The following CAMK2B variants were observed in gnomAD, a reference collection of about 807,000 sequenced individuals.
CAMK2B encodes calcium/calmodulin dependent protein kinase II beta.
In CAMK2B, 27 loss-of-function variants were observed where a neutral mutation model predicts 93.7. That is an observed-to-expected ratio of 0.29 (90% CI 0.21 to 0.40). CAMK2B has a LOEUF of 0.40. Among genes scored for constraint, CAMK2B ranks in the 10% least tolerant of loss-of-function variants. The pLI, the probability that CAMK2B is intolerant of heterozygous loss-of-function variation, is 1.00. For synonymous variants in CAMK2B, 374 were observed against 358.8 expected (o/e 1.04, Z -0.48); for missense variants, 568 against 895.8 (o/e 0.63, Z 4.67).
chr7:44,264,209 G>A (rs2096904261), intron 2 of CAMK2B, among the ~76,000 whole-genome samples: 1 of 152,174 alleles, frequency 6.6e-6, no homozygotes, highest in African/African-American at 2.4e-5. Context: ...CAGGAGCAGG[G>A]AAAGAATGAG....
intron 15 of CAMK2B, among the ~76,000 whole-genome samples, chr7:44,233,138 G>A (rs1763013095): frequency 6.6e-6 from 1 of 152,102 alleles, no homozygotes; most frequent in Admixed American, 6.5e-5. Flanking sequence ...TGGACCGTGT[G>A]GGGCCCCGAC....
At chr7:44,229,674 C>A (rs1200133710) in intron 17 of CAMK2B, 173 bp from the exon 18 acceptor site, 10 of 493,270 alleles carry the variant, frequency 2.0e-5, no homozygotes, top group Admixed American at 3.7e-5. Flanking sequence ...CCTGTGGTGG[C>A]CGCAGCAGGT....
At chr7:44,294,805 C>T (rs1787851172) in intron 1 of CAMK2B, among the ~76,000 whole-genome samples, 1 of 152,198 alleles carries the variant, frequency 6.6e-6, no homozygotes. Flanking sequence ...ACAGAACCCT[C>T]CCAGGACACT....
chr7:44,226,585 C>A lies in CAMK2B; in HGVS notation c.1528G>T (p.Glu510Ter), dbSNP rs35452727. Residue 510 changes from glutamate (E) to a stop codon, truncating the protein, a stop_gained, in exon 20 of 24, where the codon GAG becomes TAG. Coordinates refer to ENST00000395749, the MANE Select transcript of CAMK2B (RefSeq NM_001220.5). LOFTEE classifies it high-confidence loss of function. ...VRRGSGTPEA[E>*]GPSPVGPPPC... ...GGGGGCCCCACTGGCGAGGGGCCCT[C>A]GGCTTCTGGGGTCCCTGAGCCCCTC... 6.7e-7 allele frequency: 1 copy of A among 1,497,846 alleles called. No individual in the cohort carries two copies. The highest frequency in any genetic ancestry group is 8.8e-7 in the Non-Finnish European group (1 of 1,132,302). The allele number at this position is 1,497,846 out of a possible 1,614,324, so 92.8% of individuals were successfully genotyped here.
At chr7:44,290,528 A>AGG (rs1786491991) in intron 1 of CAMK2B, among the ~76,000 whole-genome samples, 1 of 152,238 alleles carries the variant, frequency 6.6e-6, no homozygotes. Flanking sequence ...GGGCTCCATG[A>AGG]GGAGGCCTGG....
At chr7:44,249,369 G>A (rs1293048460) in intron 5 of CAMK2B, among the ~76,000 whole-genome samples, 2 of 152,292 alleles carry the variant, frequency 1.3e-5, no homozygotes, top group East Asian at 3.9e-4. Context: ...CAGCCATCCA[G>A]ATGGGTCCAG....
intron 1 of CAMK2B, among the ~76,000 whole-genome samples, chr7:44,305,093 A>G (rs1791101415): frequency 6.6e-6 from 1 of 152,166 alleles, no homozygotes; most frequent in African/African-American, 2.4e-5. Context: ...ACATTAGGAA[A>G]AGGTGTTTCA....
chr7:44,258,727 C>G, intron 4 of CAMK2B, 145 bp downstream of exon 4: 1 of 714,968 alleles, frequency 1.4e-6, no homozygotes, highest in Non-Finnish European at 2.5e-6. Context: ...CAGCTTGGAG[C>G]AAGGGGACCA....
At chr7:44,262,870 C>T (rs2096891322) in intron 3 of CAMK2B, 135 bp downstream of exon 3, 4 of 735,816 alleles carry the variant, frequency 5.4e-6, no homozygotes, top group Non-Finnish European at 8.9e-6. Flanking sequence ...TCAGGGGCTT[C>T]TGGTGGGATA....
At chr7:44,232,763 C>T (rs867885263) in intron 16 of CAMK2B, 59 bp downstream of exon 16, 2 of 1,538,482 alleles carry the variant, frequency 1.3e-6, no homozygotes, top group African/African-American at 1.4e-5. Context: ...CCCCAGACCT[C>T]TCTCCTGGCC....
intron 5 of CAMK2B, among the ~76,000 whole-genome samples, chr7:44,252,901 A>G (rs1201210844): frequency 2.0e-5 from 3 of 152,244 alleles, no homozygotes; most frequent in Non-Finnish European, 4.4e-5. Context: ...AGGCCTCTCC[A>G]GGCTGTTCTG....
At chr7:44,310,396 G>C (rs1793217023) in intron 1 of CAMK2B, among the ~76,000 whole-genome samples, 1 of 152,162 alleles carries the variant, frequency 6.6e-6, no homozygotes, top group Non-Finnish European at 1.5e-5. Flanking sequence ...AACCCTCCTG[G>C]TTCGTAAGTG....
intron 1 of CAMK2B, among the ~76,000 whole-genome samples, chr7:44,299,289 G>C (rs1362515364): frequency 3.3e-5 from 5 of 152,172 alleles, no homozygotes; most frequent in Admixed American, 6.5e-5. Flanking sequence ...AGTCACAAAA[G>C]ACACAAATAC....
chr7:44,263,142 C>A (rs909391577), intron 2 of CAMK2B, 78 bp from the exon 3 acceptor site: 1 of 1,386,592 alleles, frequency 7.2e-7, no homozygotes, highest in South Asian at 1.2e-5. Context: ...TCAGGAGAGG[C>A]CCACAAGGGT....
rs1173032650 is a variant in CAMK2B at position 44,258,876 on chromosome 7, C to T, written c.271G>A (p.Asp91Asn). 1 of 1,613,734 alleles carries T rather than the reference C, an allele frequency of 6.2e-7. No individual in the cohort carries two copies. The highest frequency in any genetic ancestry group is 8.5e-7 in the Non-Finnish European group (1 of 1,179,852). The change falls in exon 4 of 24, where the codon GAT becomes AAT. Residue 91 changes from aspartate to asparagine, a missense_variant. Asp to Asn is a conservative substitution (Grantham distance 23, BLOSUM62 1). Transcript: ENST00000395749. ...SEEGFHYLVF[D>N]LVTGGELFED... Reference sequence around the variant, plus strand: ...GTCCCCAGCTCTGGAACTTACAGATCGAAGACCAGGTAGTGGAAGCCCTCC... The same window carrying T: ...GTCCCCAGCTCTGGAACTTACAGATTGAAGACCAGGTAGTGGAAGCCCTCC...
At chr7:44,246,507 A>G (rs2096731708) in intron 6 of CAMK2B, among the ~76,000 whole-genome samples, 1 of 152,062 alleles carries the variant, frequency 6.6e-6, no homozygotes, top group Admixed American at 6.5e-5. Context: ...ATGCATGCGC[A>G]TGAACATGCC....
At chr7:44,307,396 G>T (rs1792183398) in intron 1 of CAMK2B, among the ~76,000 whole-genome samples, 1 of 144,146 alleles carries the variant, frequency 6.9e-6, no homozygotes, top group Non-Finnish European at 1.5e-5. Context: ...AGGGAGAAGA[G>T]GGGGTAAGCA....
chr7:44,317,104 C>G lies in CAMK2B; in HGVS notation c.65+8253G>C, dbSNP rs142312095. ...TTGACTGCTTTGTTCACTACTGTTT[C>G]CCAAGCACCTATGGCACATGGTAAG... On this transcript the variant is annotated intron_variant, in intron 1 of 23. Coordinates refer to ENST00000395749, the MANE Select transcript of CAMK2B (RefSeq NM_001220.5). Among the ~76,000 whole-genome samples, 671 of 152,204 alleles carry G rather than the reference C, an allele frequency of 4.4e-3. 6 individuals are homozygous for G. The highest frequency in any genetic ancestry group is 0.015 in the African/African-American group (634 of 41,514).
chr7:44,229,718 TGCCAGA>T, intron 17 of CAMK2B: 1 of 449,318 alleles, frequency 2.2e-6, no homozygotes, highest in Non-Finnish European at 3.9e-6. Context: ...ACGGGACCGG[TGCCAGA>T]GCCAGAGCCA....
Sources: allele counts gnomAD v4.1 joint callset (sites outside exome capture counted in the v4.1 genomes callset), GRCh38; gene constraint gnomAD v4.1.1; transcripts MANE v1.5; gene names NCBI Gene and HGNC (gene_info 2026-07-23, HGNC 2026-07-21).